The following LAMC2 variants were observed in gnomAD, a reference collection of about 807,000 sequenced individuals.
LAMC2 encodes laminin subunit gamma-2.
In LAMC2, 97 loss-of-function variants were observed where a neutral mutation model predicts 140.2. The ratio of observed to expected loss-of-function variants is 0.69; its 90% CI spans 0.59 to 0.82. The LOEUF is 0.82. Among genes scored for constraint, LAMC2 ranks in the 40% least tolerant of loss-of-function variants. The pLI is 0.00. For synonymous variants in LAMC2, 513 were observed against 540.2 expected, an observed-to-expected ratio of 0.95 and a Z score of 0.70; for missense variants, 1,402 against 1,476.1, an observed-to-expected ratio of 0.95 and a Z score of 0.82.
intron 1 of LAMC2, among the ~76,000 whole-genome samples, chr1:183,190,127 T>C (rs1050128241): frequency 5.9e-5 from 9 of 152,234 alleles, no homozygotes; most frequent in Non-Finnish European, 1.2e-4. Flanking sequence ...TTTTGGGACT[T>C]GGGCAAGCTA....
At chr1:183,221,283 A>C (rs1659460647) in intron 5 of LAMC2, among the ~76,000 whole-genome samples, 2 of 152,226 alleles carry the variant, frequency 1.3e-5, no homozygotes, top group Admixed American at 1.3e-4. Context: ...AGAGTGTATG[A>C]GTCTTCCTGG....
intron 1 of LAMC2, 139 bp downstream of exon 1, chr1:183,186,570 T>G: frequency 1.2e-6 from 1 of 804,812 alleles, no homozygotes; most frequent in South Asian, 1.7e-5. Context: ...TCCTCCCCTA[T>G]CTGGGGCTCC....
intron 9 of LAMC2, 110 bp from the exon 10 acceptor site, chr1:183,227,405 A>G (rs1251306749): frequency 3.7e-6 from 4 of 1,077,036 alleles, no homozygotes; most frequent in East Asian, 4.7e-5. Context: ...ACTTTGGGGA[A>G]GGCTTCAGAA....
chr1:183,241,463 C>T (rs574250575), intron 22 of LAMC2, among the ~76,000 whole-genome samples: 1 of 152,216 alleles, frequency 6.6e-6, no homozygotes, highest in East Asian at 1.9e-4. Flanking sequence ...CCTACAGAAT[C>T]GCTCCCAAAA....
At chr1:183,190,977 G>A (rs1333992047) in intron 1 of LAMC2, among the ~76,000 whole-genome samples, 2 of 152,094 alleles carry the variant, frequency 1.3e-5, no homozygotes, top group Non-Finnish European at 2.9e-5. Context: ...ACTCTGAAAG[G>A]CTTATATGCA....
Position 183,232,778 on chromosome 1 carries a change from AC to A in LAMC2, c.2143del (p.Arg715GlufsTer14). 1 of 1,614,106 alleles carries A rather than the reference AC, an allele frequency of 6.2e-7. No homozygotes were observed. Among genetic ancestry groups the A allele is most frequent in the Middle Eastern group, 1.7e-4 (1 of 6,036 alleles). Reference sequence around the variant, plus strand: ...CGGGCTCTGGGAAGTCAGTACCAGAACCGAGTTCGGGATACTCACAGGCTCA... The same window carrying A: ...CGGGCTCTGGGAAGTCAGTACCAGAACGAGTTCGGGATACTCACAGGCTCA... ...RVRALGSQYQ[N>X]RVRDTHRLIT... On this transcript the variant is annotated frameshift_variant, in exon 14 of 23. Coordinates refer to ENST00000264144, the MANE Select transcript of LAMC2 (RefSeq NM_005562.3). LOFTEE classifies it high-confidence loss of function.
Position 183,186,367 on chromosome 1 carries a change from G to T in LAMC2, c.15G>T (p.Trp5Cys). Residue 5 changes from tryptophan to cysteine, a missense_variant, in exon 1 of 23, where the codon TGG (tryptophan) becomes TGT (cysteine). This residue lies in a region of LAMC2 where 723 missense variants were observed against 783.3 expected (regional missense o/e 0.92). Coordinates refer to ENST00000264144, the MANE Select transcript of LAMC2 (RefSeq NM_005562.3). MPAL[W>C]LGCCLCFSLL... ...CCGGCCCCGCCATGCCTGCGCTCTG[G>T]CTGGGCTGCTGCCTCTGCTTCTCGC... is the stretch of plus-strand genomic sequence containing the variant. 6.2e-7 allele frequency: 1 copy of T among 1,603,038 alleles called. No homozygotes were observed. Among genetic ancestry groups the T allele is most frequent in the Non-Finnish European group, 8.5e-7 (1 of 1,179,014 alleles).
Position 183,243,274 on chromosome 1 carries a change from G to T in LAMC2, c.3456G>T (p.Gln1152His). The change falls in exon 23 of 23, where the codon CAG becomes CAT. Residue 1152 changes from glutamine to histidine, a missense_variant. Gln to His is a conservative substitution (Grantham distance 24, BLOSUM62 0). Coordinates refer to ENST00000264144, the MANE Select transcript of LAMC2 (RefSeq NM_005562.3). The part of the protein sequence containing the change: ...MSELEERARQ[Q>H]RGHLHLLETS... ...AGCTGGAAGAGAGGGCACGTCAGCA[G>T]AGGGGCCACCTCCATTTGCTGGAGA... 1 of 1,614,202 alleles carries T rather than the reference G, an allele frequency of 6.2e-7. No homozygotes were observed. Among genetic ancestry groups the T allele is most frequent in the Non-Finnish European group, 8.5e-7 (1 of 1,180,042 alleles).
At position 183,235,796 on chromosome 1, in the gene LAMC2, C is replaced by T. The variant is rs548112850; in HGVS notation, c.2456+66C>T. On this transcript the variant is annotated intron_variant, in intron 16 of 22. Coordinates refer to ENST00000264144, the MANE Select transcript of LAMC2 (RefSeq NM_005562.3). ...GATACTCCCAGGGCAAAATGCTAAC[C>T]GTACTTGAGGGGCACCATGCTAGTT... The T allele has an allele frequency of 1.3e-3, 1,962 of 1,545,890 alleles. 7 individuals carry two copies. The highest frequency in any genetic ancestry group is 5.8e-3 in the Middle Eastern group (28 of 4,788).
chr1:183,187,346 G>C (rs190494273), intron 1 of LAMC2, among the ~76,000 whole-genome samples: 1 of 152,264 alleles, frequency 6.6e-6, no homozygotes, highest in East Asian at 1.9e-4. Flanking sequence ...TGCATTCCGG[G>C]TGATGCTGGC....
At chr1:183,239,797 G>A (rs1019894041) in intron 20 of LAMC2, 60 of 638,288 alleles carry the variant, frequency 9.4e-5, no homozygotes, top group Non-Finnish European at 1.1e-4. Context: ...CATTTGGTGA[G>A]CATTGAACTG....
chr1:183,233,623 TAAA>T (rs1009387584), intron 14 of LAMC2, among the ~76,000 whole-genome samples: 4 of 152,156 alleles, frequency 2.6e-5, no homozygotes, highest in Non-Finnish European at 1.5e-5. Context: ...AGAAAATAAA[TAAA>T]AATTCTCTAT....
intron 16 of LAMC2, among the ~76,000 whole-genome samples, chr1:183,236,182 C>G (rs1558097569): frequency 6.6e-6 from 1 of 151,828 alleles, no homozygotes; most frequent in Non-Finnish European, 1.5e-5. Flanking sequence ...TCTGGTTATT[C>G]TAACTACATA....
intron 1 of LAMC2, among the ~76,000 whole-genome samples, chr1:183,204,014 G>C (rs564233838): frequency 6.6e-6 from 1 of 152,202 alleles, no homozygotes; most frequent in Non-Finnish European, 1.5e-5. Flanking sequence ...AATGGGGCAG[G>C]CATGGTAGCT....
intron 2 of LAMC2, 75 bp downstream of exon 2, chr1:183,208,144 A>G (rs376703678): frequency 7.4e-7 from 1 of 1,342,818 alleles, no homozygotes; most frequent in Non-Finnish European, 1.1e-6. Context: ...GGAAGGAGGA[A>G]AAGAAGAAGG....
chr1:183,199,312 C>T (rs1180119257), intron 1 of LAMC2, among the ~76,000 whole-genome samples: 1 of 151,858 alleles, frequency 6.6e-6, no homozygotes, highest in African/African-American at 2.4e-5. Context: ...CTATGTTGGC[C>T]AGGATGGTCT....
chr1:183,233,516 T>C (rs1055347766), intron 14 of LAMC2, among the ~76,000 whole-genome samples: 2 of 152,142 alleles, frequency 1.3e-5, no homozygotes, highest in African/African-American at 4.8e-5. Context: ...GGGAGATGAA[T>C]AGAGGAAGTG....
At chr1:183,204,493 A>C (rs1571508680) in intron 1 of LAMC2, among the ~76,000 whole-genome samples, 1 of 150,156 alleles carries the variant, frequency 6.7e-6, no homozygotes, top group African/African-American at 2.4e-5. Flanking sequence ...TTAGTTGGGC[A>C]TGGTGGCACA....
intron 7 of LAMC2, among the ~76,000 whole-genome samples, chr1:183,224,393 A>C (rs1017967787): frequency 3.9e-5 from 6 of 152,242 alleles, no homozygotes; most frequent in Non-Finnish European, 8.8e-5. Flanking sequence ...CAAGGAGCTT[A>C]GATCTTGTCC....
Sources: allele counts gnomAD v4.1 joint callset (sites outside exome capture counted in the v4.1 genomes callset), GRCh38; gene constraint gnomAD v4.1.1; regional missense constraint gnomAD v4.1.1; transcripts MANE v1.5; gene names NCBI Gene and HGNC (gene_info 2026-07-23, HGNC 2026-07-21).